TNFSF4: variants seen among roughly 807,000 people sequenced by gnomAD.
The protein encoded by TNFSF4 is tumor necrosis factor ligand superfamily member 4.
A neutral mutation model predicts 7.3 loss-of-function variants in TNFSF4; 4 were observed. The observed-to-expected ratio is 0.55, with a 90% CI of 0.27 to 1.25. The LOEUF (loss-of-function observed/expected upper bound fraction) is 1.25, where lower values mean the gene tolerates loss of function less well. Among genes scored for constraint, TNFSF4 ranks in the 50% most tolerant of loss-of-function variants. TNFSF4 has a pLI of 0.12. For missense variants in TNFSF4, 181 were observed against 208.8 expected (o/e 0.87, Z 0.82); for synonymous variants, 76 against 83.7 (o/e 0.91, Z 0.50).
At chr1:173,403,784 C>T in the TNFSF4 span, among the ~76,000 whole-genome samples, 37 of 152,096 alleles carry the variant, frequency 2.4e-4, no homozygotes, top group African/African-American at 8.9e-4. Flanking sequence ...TGCCTGTAAT[C>T]CCAGCTACTT....
At chr1:173,261,074 A>G in the TNFSF4 span, among the ~76,000 whole-genome samples, 1 of 152,228 alleles carries the variant, frequency 6.6e-6, no homozygotes, top group Non-Finnish European at 1.5e-5. Flanking sequence ...TCTAAAATCA[A>G]TCACATAATT....
chr1:173,356,466 C>T, the TNFSF4 span, among the ~76,000 whole-genome samples: 1 of 152,130 alleles, frequency 6.6e-6, no homozygotes, highest in Admixed American at 6.5e-5. Context: ...TTTCATTTTT[C>T]GTAATGCATT....
At chr1:173,350,549 C>T in the TNFSF4 span, among the ~76,000 whole-genome samples, 1 of 152,144 alleles carries the variant, frequency 6.6e-6, no homozygotes, top group Non-Finnish European at 1.5e-5. Context: ...AGAAAAAAAG[C>T]CAAGCTACGC....
At chr1:173,379,217 C>A in the TNFSF4 span, among the ~76,000 whole-genome samples, 1 of 152,146 alleles carries the variant, frequency 6.6e-6, no homozygotes, top group Non-Finnish European at 1.5e-5. Context: ...GACAAATTCC[C>A]TACCAGTCAG....
chr1:173,418,329 C>A, the TNFSF4 span: 1 of 152,184 alleles, frequency 6.6e-6, no homozygotes. Context: ...AAATGCTAAC[C>A]CCTGCCCTAT....
the TNFSF4 span, among the ~76,000 whole-genome samples, chr1:173,250,649 CG>C: frequency 1.3e-5 from 2 of 151,950 alleles, no homozygotes; most frequent in African/African-American, 4.8e-5. Context: ...TTAGTAGAGA[CG>C]GGGTTTCACC....
chr1:173,378,211 C>T, the TNFSF4 span, among the ~76,000 whole-genome samples: 1 of 152,144 alleles, frequency 6.6e-6, no homozygotes, highest in Non-Finnish European at 1.5e-5. Context: ...GTCCAGGGAC[C>T]GTTGCGGGTT....
the TNFSF4 span, among the ~76,000 whole-genome samples, chr1:173,220,394 CTATT>C: frequency 6.6e-6 from 1 of 152,168 alleles, no homozygotes; most frequent in Admixed American, 6.5e-5. Context: ...TTACTAAAAA[CTATT>C]TATTCAGTTC....
At chr1:173,272,994 A>G in the TNFSF4 span, among the ~76,000 whole-genome samples, 1 of 152,154 alleles carries the variant, frequency 6.6e-6, no homozygotes, top group Admixed American at 6.6e-5. Flanking sequence ...ATTTTCAGTC[A>G]GAACTGTGTA....
intron 1 of TNFSF4, among the ~76,000 whole-genome samples, chr1:173,196,007 C>T (rs1649684993): frequency 6.6e-6 from 1 of 152,154 alleles, no homozygotes; most frequent in Non-Finnish European, 1.5e-5. Context: ...ACCTCACAAG[C>T]TCTCAGGGTG....
the TNFSF4 span, among the ~76,000 whole-genome samples, chr1:173,213,578 C>A: frequency 1.3e-5 from 2 of 151,948 alleles, no homozygotes; most frequent in Non-Finnish European, 2.9e-5. Context: ...TTTTCTTTTT[C>A]AAAAAAATCA....
the TNFSF4 span, among the ~76,000 whole-genome samples, chr1:173,428,431 G>A: frequency 2.4e-3 from 371 of 152,182 alleles, 4 homozygotes; most frequent in African/African-American, 8.7e-3. Flanking sequence ...CTGATTGCCA[G>A]GATAACAAAA....
chr1:173,280,063 G>T, the TNFSF4 span, among the ~76,000 whole-genome samples: 2 of 151,958 alleles, frequency 1.3e-5, no homozygotes, highest in Admixed American at 1.3e-4. Context: ...TATACACAGT[G>T]CCCCTGCCTA....
At position 173,190,742 on chromosome 1, in the gene TNFSF4, C is replaced by T. The variant is rs540073473; in HGVS notation, c.154-2173G>A. On this transcript the variant is annotated intron_variant, in intron 1 of 2. Transcript: ENST00000281834. The stretch of plus-strand genomic sequence containing the variant: ...TTTCCACTGCTCTCTGGGCTAAGTG[C>T]CAGCATGAATTGCCACGTGCTAAAG... Among the ~76,000 whole-genome samples, 9 of 152,304 alleles carry T rather than the reference C, an allele frequency of 5.9e-5. No individual in the cohort carries two copies. The East Asian group carries it at 9.6e-4, about 16-fold the overall frequency.
intron 1 of TNFSF4, among the ~76,000 whole-genome samples, chr1:173,202,070 T>TATATATATAAACA (rs150074641): frequency 6.7e-6 from 1 of 149,564 alleles, no homozygotes; most frequent in African/African-American, 2.5e-5. Flanking sequence ...TATATATATA[T>TATATATATAAACA]ACACACACAC....
At chr1:173,446,898 G>A in the TNFSF4 span, among the ~76,000 whole-genome samples, 16 of 152,298 alleles carry the variant, frequency 1.1e-4, no homozygotes, top group African/African-American at 3.6e-4. Flanking sequence ...TCAGCTTGTA[G>A]ATAGCTTATT....
chr1:173,446,828 G>T, the TNFSF4 span, among the ~76,000 whole-genome samples: 1 of 152,214 alleles, frequency 6.6e-6, no homozygotes. Flanking sequence ...TGCAGACAAG[G>T]CTGCACTGTT....
the TNFSF4 span, among the ~76,000 whole-genome samples, chr1:173,406,252 C>T: frequency 1.3e-5 from 2 of 152,118 alleles, no homozygotes; most frequent in Admixed American, 6.5e-5. Flanking sequence ...TAGCTCTGAA[C>T]TACTAGGGGG....
the TNFSF4 span, among the ~76,000 whole-genome samples, chr1:173,404,064 G>C: frequency 6.6e-6 from 1 of 152,154 alleles, no homozygotes; most frequent in Non-Finnish European, 1.5e-5. Context: ...GCAGAGCGTG[G>C]AATGCAGTCC....
Sources: allele counts gnomAD v4.1 joint callset (sites outside exome capture counted in the v4.1 genomes callset), GRCh38; gene constraint gnomAD v4.1.1; transcripts MANE v1.5; gene names NCBI Gene and HGNC (gene_info 2026-07-23, HGNC 2026-07-21).